The following SIPA1L1 variants were observed in gnomAD, a reference collection of about 807,000 sequenced individuals.
The protein encoded by SIPA1L1 is signal-induced proliferation-associated 1-like protein 1.
In SIPA1L1, 26 loss-of-function variants were observed where a neutral mutation model predicts 162.7. The ratio of observed to expected loss-of-function variants is 0.16; its 90% CI spans 0.12 to 0.22. SIPA1L1 has a LOEUF of 0.22. SIPA1L1 is among the 10% of genes least tolerant of loss of function. The pLI is 1.00. For synonymous variants in SIPA1L1, 829 were observed against 837.4 expected (o/e 0.99, Z 0.17); for missense variants, 1,874 against 2,241.0 (o/e 0.84, Z 3.31).
intron 13 of SIPA1L1, among the ~76,000 whole-genome samples, chr14:71,691,045 G>A (rs981455956): frequency 6.6e-6 from 1 of 152,150 alleles, no homozygotes; most frequent in East Asian, 1.9e-4. Flanking sequence ...AGTAGGATTC[G>A]TTATCAACTT....
chr14:71,720,728 A>G (rs1310677810), intron 17 of SIPA1L1, among the ~76,000 whole-genome samples: 1 of 151,998 alleles, frequency 6.6e-6, no homozygotes, highest in Non-Finnish European at 1.5e-5. Flanking sequence ...GCTGTTGAGA[A>G]ACTGATACAT....
At position 71,585,720 on chromosome 14, in the gene SIPA1L1, A is replaced by G. The variant is rs541354760; in HGVS notation, c.-302-1851A>G. ...AAGATGATTTATTTGGATTTCTGTG[A>G]GGTTGTGAGAAATGTTGAAAGCATC... On this transcript the variant is annotated intron_variant, in intron 4 of 23. Transcript: ENST00000381232. Among the ~76,000 whole-genome samples the G allele has an allele frequency of 1.6e-3, 243 of 152,316 alleles. 1 individual carries two copies. Among genetic ancestry groups the G allele is most frequent in the Non-Finnish European group, 2.5e-3 (173 of 68,028 alleles).
chr14:71,584,388 G>C (rs191812844), intron 4 of SIPA1L1, among the ~76,000 whole-genome samples: 77 of 152,304 alleles, frequency 5.1e-4, no homozygotes, highest in Admixed American at 5.0e-3. Flanking sequence ...AGTCCCAGCA[G>C]GAGATTGTAA....
chr14:71,560,342 A>T (rs1014342610), intron 4 of SIPA1L1, among the ~76,000 whole-genome samples: 4 of 152,308 alleles, frequency 2.6e-5, no homozygotes, highest in African/African-American at 9.6e-5. Flanking sequence ...GTGATGCCAC[A>T]AGAGACCCTG....
chr14:71,440,646 C>CAAAAAAA (rs397853535), intron 2 of SIPA1L1, among the ~76,000 whole-genome samples: 18 of 55,666 alleles, frequency 3.2e-4, no homozygotes, highest in Non-Finnish European at 4.4e-4. Context: ...GAACCCATCT[C>CAAAAAAA]AAAAAAAAAA....
intron 2 of SIPA1L1, among the ~76,000 whole-genome samples, chr14:71,474,315 C>T (rs1164928920): frequency 6.6e-6 from 1 of 152,194 alleles, no homozygotes; most frequent in Non-Finnish European, 1.5e-5. Flanking sequence ...AATTGTCAGG[C>T]ACTTACAAAA....
At chr14:71,637,144 A>G (rs1816557896) in intron 7 of SIPA1L1, among the ~76,000 whole-genome samples, 1 of 150,316 alleles carries the variant, frequency 6.7e-6, no homozygotes, top group Non-Finnish European at 1.5e-5. Flanking sequence ...ACGCGTGCAC[A>G]CACACACACA....
In SIPA1L1 at chr14:71,588,676, G is replaced by C. The variant is rs939855941; in HGVS notation, c.804G>C (p.Gln268His). ...SLDVIDGPIS[Q>H]RENLRLFKER... Reference sequence around the variant, plus strand: ...ATGTAATAGACGGGCCTATCTCACAGAGAGAGAACCTCAGGCTTTTTAAGG... The same window carrying C: ...ATGTAATAGACGGGCCTATCTCACACAGAGAGAACCTCAGGCTTTTTAAGG... Residue 268 changes from glutamine to histidine, a missense_variant, in exon 5 of 24, where the codon CAG becomes CAC. By Grantham distance (24) the Gln-to-His change is conservative. This residue lies in a region of SIPA1L1 where 685 missense variants were observed against 828.0 expected (regional missense o/e 0.83). Coordinates refer to ENST00000381232, the MANE Select transcript of SIPA1L1 (RefSeq NM_001386936.1). The surrounding 1 kb of genome is among the most constrained non-coding windows in gnomAD (Gnocchi z 4.3). 1.2e-6 allele frequency: 2 copies of C among 1,613,862 alleles called. No homozygotes were observed. Among genetic ancestry groups the C allele is most frequent in the African/African-American group, 1.3e-5 (1 of 74,898 alleles).
intron 2 of SIPA1L1, among the ~76,000 whole-genome samples, chr14:71,450,523 G>A (rs1254237705): frequency 6.6e-6 from 1 of 152,114 alleles, no homozygotes; most frequent in Non-Finnish European, 1.5e-5. Context: ...AACTTTTCTA[G>A]ATTACAGACT....
intron 17 of SIPA1L1, among the ~76,000 whole-genome samples, chr14:71,710,633 C>A (rs1166023942): frequency 1.3e-5 from 2 of 151,902 alleles, no homozygotes; most frequent in Non-Finnish European, 2.9e-5. Context: ...CATGGTGAAA[C>A]CCCGTCTCTA....
intron 17 of SIPA1L1, among the ~76,000 whole-genome samples, chr14:71,723,445 G>A (rs1199004433): frequency 6.6e-6 from 1 of 152,168 alleles, no homozygotes; most frequent in Non-Finnish European, 1.5e-5. Flanking sequence ...TGCAGACTAA[G>A]CCCTAGTGGT....
chr14:71,639,484 T>C (rs1010728698), intron 7 of SIPA1L1, among the ~76,000 whole-genome samples: 1 of 152,250 alleles, frequency 6.6e-6, no homozygotes, highest in Non-Finnish European at 1.5e-5. Flanking sequence ...ATATTAATCA[T>C]GTCAGTGTTC....
Position 71,740,539 on chromosome 14 carries a change from C to G in SIPA1L1, c.*1378C>G, listed in dbSNP as rs751669235. 1 of 152,194 alleles carries G rather than the reference C, an allele frequency of 6.6e-6. No homozygotes were observed. The highest frequency in any genetic ancestry group is 1.5e-5 in the Non-Finnish European group (1 of 68,040). 9.4% of individuals were successfully genotyped at this position (152,194 alleles called of 1,614,324 possible). ...GGCAACTCTGGTCTAAGGGAACATT[C>G]AGCACTCTAGCGGCATCTGATTGGA... On this transcript the variant is annotated 3_prime_UTR_variant, in exon 24 of 24. Transcript: ENST00000381232.
At chr14:71,672,697 A>G in intron 12 of SIPA1L1, 75 bp downstream of exon 12, 1 of 1,473,462 alleles carries the variant, frequency 6.8e-7, no homozygotes, top group Non-Finnish European at 9.3e-7. Flanking sequence ...ATCTCTTAGC[A>G]GGTAGTGGAG....
intron 2 of SIPA1L1, among the ~76,000 whole-genome samples, chr14:71,357,459 G>A (rs2037384035): frequency 6.6e-6 from 1 of 152,212 alleles, no homozygotes; most frequent in South Asian, 2.1e-4. Context: ...GGAAAGCACA[G>A]GTTTCTCCAC....
chr14:71,508,617 T>A (rs2050865328), intron 2 of SIPA1L1, among the ~76,000 whole-genome samples: 1 of 152,248 alleles, frequency 6.6e-6, no homozygotes, highest in South Asian at 2.1e-4. Flanking sequence ...CTGATGCTGA[T>A]TCACCTTGCA....
intron 2 of SIPA1L1, among the ~76,000 whole-genome samples, chr14:71,375,006 A>G (rs1051454933): frequency 1.3e-5 from 2 of 152,080 alleles, no homozygotes; most frequent in South Asian, 2.1e-4. Context: ...AGACCATTTT[A>G]TTTGCTTAGC....
In SIPA1L1 at chr14:71,391,103, CT is replaced by C. The variant is rs36003254; in HGVS notation, c.-465+69943del. Among the ~76,000 whole-genome samples the C allele has an allele frequency of 8.1e-3, 873 of 108,418 alleles. 4 individuals are homozygous for C. The highest frequency in any genetic ancestry group is 0.01 in the Non-Finnish European group (585 of 55,892). The allele number at this position is 108,418 out of a possible 152,430, so 71.1% of individuals were successfully genotyped here. ...TTAGTTTTGTGCCTGTATTCAGTAT[CT>C]TTTTTTTTTTTTTTTTTTTTGAGAC... On this transcript the variant is annotated intron_variant, in intron 2 of 23. Coordinates refer to ENST00000381232, the MANE Select transcript of SIPA1L1 (RefSeq NM_001386936.1).
At chr14:71,598,619 A>G (rs1170885263) in intron 5 of SIPA1L1, among the ~76,000 whole-genome samples, 2 of 152,236 alleles carry the variant, frequency 1.3e-5, no homozygotes, top group Non-Finnish European at 2.9e-5. Context: ...ATAGGGGATT[A>G]AAAAGACATA....
Sources: gnomAD v4.1 joint callset for allele counts (sites outside exome capture counted in the v4.1 genomes callset) on GRCh38, gnomAD v4.1.1 for gene constraint, gnomAD v4.1.1 regional missense constraint, Gnocchi (gnomAD v3.1) non-coding constraint, MANE v1.5 for transcripts, NCBI Gene and HGNC (gene_info 2026-07-23, HGNC 2026-07-21) for gene names.